DPP9: variants seen among roughly 807,000 people sequenced by gnomAD.
The protein encoded by DPP9 is dipeptidyl peptidase 9, also known as dipeptidyl peptidase IV-related protein-2.
In DPP9, 50 loss-of-function variants were observed where a neutral mutation model predicts 110.7. The observed-to-expected ratio is 0.45, with a 90% confidence interval of 0.36 to 0.57. The LOEUF (loss-of-function observed/expected upper bound fraction) is 0.57, where lower values mean the gene tolerates loss of function less well. Ranked by LOEUF, DPP9 falls within the 20% of genes least tolerant of loss-of-function variation. The pLI, the probability that DPP9 is intolerant of heterozygous loss-of-function variation, is 0.00. For synonymous variants in DPP9, 561 were observed against 514.4 expected, an observed-to-expected ratio of 1.09 and a Z score of -1.23; for missense variants, 1,022 against 1,217.9, an observed-to-expected ratio of 0.84 and a Z score of 2.39.
chr19:4,700,209 C>T lies in DPP9; in HGVS notation c.1074+7G>A. On this transcript the variant is annotated splice_region_variant and intron_variant, in intron 10 of 21. Coordinates refer to ENST00000262960, the MANE Select transcript of DPP9 (RefSeq NM_139159.5). The surrounding 1 kb of genome is among the most constrained non-coding windows in gnomAD (Gnocchi z 4.3). ...TAGATTATCTGGTATGCAGCAGGCC[C>T]CCTTACCTTGCCCTGGCTGTCAGTC... 6.3e-7 allele frequency: 1 copy of T among 1,575,822 alleles called. No individual in the cohort carries two copies. The highest frequency in any genetic ancestry group is 8.7e-7 in the Non-Finnish European group (1 of 1,154,666).
Position 4,684,408 on chromosome 19 carries a change from G to A in DPP9, c.2178+255C>T, listed in dbSNP as rs999572634. 18 of 522,954 alleles carry A rather than the reference G, an allele frequency of 3.4e-5. No homozygotes were observed. Among genetic ancestry groups the A allele is most frequent in the African/African-American group, 2.7e-4 (14 of 52,186 alleles). The allele number at this position is 522,954 out of a possible 1,614,324, so 32.4% of individuals were successfully genotyped here. A position where few individuals can be genotyped will look rare whatever the true frequency, so the allele number is the denominator to read the frequency against. On this transcript the variant is annotated intron_variant, in intron 18 of 21. Transcript: ENST00000262960. This position sits in a 1 kb window ranked among gnomAD's most constrained non-coding sequence, Gnocchi z 4.8. Reference sequence around the variant, plus strand: ...GCAGTGCAAAGGGGCCGAGATGATCGCCATCACCACCGTCGTCATCACCAG... The same window carrying A: ...GCAGTGCAAAGGGGCCGAGATGATCACCATCACCACCGTCGTCATCACCAG...
In DPP9 at chr19:4,698,442, G is replaced by T. The variant is rs990383436; in HGVS notation, c.1075-791C>A. 6.6e-6 allele frequency among the ~76,000 whole-genome samples: 1 copy of T among 151,328 alleles called. No homozygotes were observed. Among genetic ancestry groups the T allele is most frequent in the Non-Finnish European group, 1.5e-5 (1 of 67,992 alleles). ...CTAAGGACTCTGCACGTCTGAGAGT[G>T]CAAGGAGCCACTAAAACAGCCTGGC... is the stretch of plus-strand genomic sequence containing the variant. On this transcript the variant is annotated intron_variant, in intron 10 of 21. Transcript: ENST00000262960. The surrounding 1 kb of genome is among the most constrained non-coding windows in gnomAD (Gnocchi z 4.2).
chr19:4,711,772 CAAAAAAAAAAAAAAAAAA>C (rs752279327), intron 4 of DPP9, among the ~76,000 whole-genome samples: 3 of 44,336 alleles, frequency 6.8e-5, no homozygotes, highest in African/African-American at 2.6e-4. Context: ...GACTCCATCT[CAAAAAAAAAAAAAAAAAA>C]AAAAAAAAAG....
In DPP9 at chr19:4,679,857, G is replaced by A; in HGVS notation, c.2564C>T (p.Ala855Val). ...TNFLVSQLIR[A>V]GKPYQLQIYP... ...CACCTGGAGCTGGTAAGGTTTCCCT[G>A]CTCGGATCAGTTGGGAGACGAGGAA... Residue 855 changes from alanine (A) to valine (V), a missense_variant, in exon 21 of 22, where the codon GCA becomes GTA. By Grantham distance (64) the Ala-to-Val change is moderately conservative. Coordinates refer to ENST00000262960, the MANE Select transcript of DPP9 (RefSeq NM_139159.5). 6.2e-7 allele frequency: 1 copy of A among 1,612,852 alleles called. No homozygotes were observed. The highest frequency in any genetic ancestry group is 8.5e-7 in the Non-Finnish European group (1 of 1,179,504).
Position 4,689,022 on chromosome 19 carries a change from C to T in DPP9, c.1750-130G>A. 2 of 1,120,470 alleles carry T rather than the reference C, an allele frequency of 1.8e-6. No homozygotes were observed. The highest frequency in any genetic ancestry group is 2.3e-6 in the Non-Finnish European group (2 of 863,308). 69.4% of individuals were successfully genotyped at this position (1,120,470 alleles called of 1,614,324 possible). A position where few individuals can be genotyped will look rare whatever the true frequency, so the allele number is the denominator to read the frequency against. On this transcript the variant is annotated intron_variant, in intron 15 of 21. Transcript: ENST00000262960. This position sits in a 1 kb window ranked among gnomAD's most constrained non-coding sequence, Gnocchi z 7.0. Reference sequence around the variant, plus strand: ...CCTCTGCCCCTGCCTGTCATGAAACCTCAAAGCTCCACCCGCTGCTGCAAG... The same window carrying T: ...CCTCTGCCCCTGCCTGTCATGAAACTTCAAAGCTCCACCCGCTGCTGCAAG...
At chr19:4,717,219 G>A (rs1164094596) in intron 3 of DPP9, among the ~76,000 whole-genome samples, 1 of 152,204 alleles carries the variant, frequency 6.6e-6, no homozygotes, top group Admixed American at 6.5e-5. Context: ...ATAAAGACAC[G>A]AACCAAAGGA....
intron 7 of DPP9, 85 bp downstream of exon 7, chr19:4,703,801 A>C: frequency 7.0e-7 from 1 of 1,431,036 alleles, no homozygotes; most frequent in Non-Finnish European, 9.5e-7. Context: ...GTGTGCAGGA[A>C]GACCCTGGCT....
At position 4,705,861 on chromosome 19, in the gene DPP9, G is replaced by A; in HGVS notation, c.423C>T (p.Phe141=). ...LLSWKQMLDH[F]QATPHHGVYS... is the part of the protein sequence containing the mutation. ...CACGCCTAATAGCACAGCTTACCTG[G>A]AAATGATCCAGCATCTGCTTCCAGG... is the stretch of plus-strand genomic sequence containing the variant. Residue 141 remains phenylalanine, a synonymous_variant, in exon 5 of 22, where the codon TTC becomes TTT. Transcript: ENST00000262960. The A allele has an allele frequency of 6.2e-7, 1 of 1,613,844 alleles. No individual in the cohort carries two copies. The highest frequency in any genetic ancestry group is 8.5e-7 in the Non-Finnish European group (1 of 1,179,788).
chr19:4,708,907 T>A (rs2145830634), intron 4 of DPP9, among the ~76,000 whole-genome samples: 1 of 152,288 alleles, frequency 6.6e-6, no homozygotes, highest in East Asian at 1.9e-4. Context: ...CCGGCACATG[T>A]GCCCTTGAAC....
chr19:4,679,755 G>A, intron 21 of DPP9, 80 bp downstream of exon 21: 1 of 1,128,822 alleles, frequency 8.9e-7, no homozygotes, highest in South Asian at 1.3e-5. Flanking sequence ...ACAGTGGGAA[G>A]CCACCCCGCC....
intron 3 of DPP9, 132 bp downstream of exon 3, chr19:4,719,719 G>A (rs1599958766): frequency 1.9e-6 from 2 of 1,072,958 alleles, no homozygotes; most frequent in East Asian, 5.2e-5. Context: ...GAAATAACCA[G>A]AACAGTCTTG....
At chr19:4,702,287 G>T (rs1307265045) in intron 8 of DPP9, 132 bp from the exon 9 acceptor site, 8 of 1,252,720 alleles carry the variant, frequency 6.4e-6, no homozygotes, top group Non-Finnish European at 7.6e-6. Flanking sequence ...CCCCGGCTCT[G>T]CCATTCGCTA....
chr19:4,719,449 C>A, intron 3 of DPP9: 1 of 182,074 alleles, frequency 5.5e-6, no homozygotes, highest in East Asian at 1.3e-4. Flanking sequence ...CTCTTGGAGC[C>A]CAAAACCCAC....
Position 4,685,507 on chromosome 19 carries a change from C to T in DPP9, c.2031+119G>A. ...GGGCAGGCGGGGTGGGCTGGGGCAC[C>T]AGGCAGGTAGCCGGGGAGCCTCCTC... On this transcript the variant is annotated intron_variant, in intron 17 of 21. Transcript: ENST00000262960. The surrounding 1 kb of genome is among the most constrained non-coding windows in gnomAD (Gnocchi z 5.8). 4 of 1,176,276 alleles carry T rather than the reference C, an allele frequency of 3.4e-6. No individual in the cohort carries two copies. Among genetic ancestry groups the T allele is most frequent in the Non-Finnish European group, 4.8e-6 (4 of 831,820 alleles). The allele number at this position is 1,176,276 out of a possible 1,614,324, so 72.9% of individuals were successfully genotyped here.
Position 4,718,057 on chromosome 19 carries a change from G to A in DPP9, c.56+1794C>T, listed in dbSNP as rs1418908558. Among the ~76,000 whole-genome samples the A allele has an allele frequency of 1.3e-5, 2 of 152,244 alleles. No individual in the cohort carries two copies. The highest frequency in any genetic ancestry group is 2.9e-5 in the Non-Finnish European group (2 of 68,036). ...TCCTAGCATGGTCTCTGTCAAGGCTGGGTGGCAGATCTGTGATCTCCTTTT... is the reference window on the plus strand; with the variant it reads ...TCCTAGCATGGTCTCTGTCAAGGCTAGGTGGCAGATCTGTGATCTCCTTTT... On this transcript the variant is annotated intron_variant, in intron 3 of 21. Transcript: ENST00000262960. The surrounding 1 kb of genome is among the most constrained non-coding windows in gnomAD (Gnocchi z 4.3).
chr19:4,710,499 C>T lies in DPP9; in HGVS notation c.313+3582G>A, dbSNP rs562539025. On this transcript the variant is annotated intron_variant, in intron 4 of 21. Coordinates refer to ENST00000262960, the MANE Select transcript of DPP9 (RefSeq NM_139159.5). This position sits in a 1 kb window ranked among gnomAD's most constrained non-coding sequence, Gnocchi z 5.6. Reference sequence around the variant, plus strand: ...AGCCCATCTTCCCAGCAGCAGGAACCGCACGTTCCCCCGCTGCTCCTGCTA... The same window carrying T: ...AGCCCATCTTCCCAGCAGCAGGAACTGCACGTTCCCCCGCTGCTCCTGCTA... Among the ~76,000 whole-genome samples, 7 of 152,228 alleles carry T rather than the reference C, an allele frequency of 4.6e-5. No homozygotes were observed. The highest frequency in any genetic ancestry group is 1.7e-4 in the African/African-American group (7 of 41,458).
chr19:4,723,146 G>C (rs543122184), intron 1 of DPP9, among the ~76,000 whole-genome samples: 3 of 152,358 alleles, frequency 2.0e-5, no homozygotes, highest in African/African-American at 7.2e-5. Flanking sequence ...AAGTAGGGTT[G>C]AGGATCAGGA....
At position 4,687,794 on chromosome 19, in the gene DPP9, G is replaced by A. The variant is rs995725698; in HGVS notation, c.1885+963C>T. ...GGCCACCCCTGCATGGACCACCACT[G>A]TTCAAAAGGTTTTTTTTTTTTGAGA... On this transcript the variant is annotated intron_variant, in intron 16 of 21. Coordinates refer to ENST00000262960, the MANE Select transcript of DPP9 (RefSeq NM_139159.5). The surrounding 1 kb of genome is among the most constrained non-coding windows in gnomAD (Gnocchi z 4.7). Among the ~76,000 whole-genome samples, 1 of 152,000 alleles carries A rather than the reference G, an allele frequency of 6.6e-6. No homozygotes were observed. The highest frequency in any genetic ancestry group is 1.9e-4 in the East Asian group (1 of 5,186).
Position 4,700,565 on chromosome 19 carries a change from C to T in DPP9, c.1013-288G>A, listed in dbSNP as rs2092177392. On this transcript the variant is annotated intron_variant, in intron 9 of 21. Transcript: ENST00000262960. This position sits in a 1 kb window ranked among gnomAD's most constrained non-coding sequence, Gnocchi z 4.3. ...TTAAAAACACGGGCCACACCCTGTG[C>T]TGAGAGCTGGGGCTTGTAGGGGCCG... Among the ~76,000 whole-genome samples the T allele has an allele frequency of 6.6e-6, 1 of 152,206 alleles. No homozygotes were observed. Among genetic ancestry groups the T allele is most frequent in the Admixed American group, 6.5e-5 (1 of 15,280 alleles).
Sources: gnomAD v4.1 joint callset for allele counts (sites outside exome capture counted in the v4.1 genomes callset) on GRCh38, gnomAD v4.1.1 for gene constraint, Gnocchi (gnomAD v3.1) non-coding constraint, MANE v1.5 for transcripts, NCBI Gene and HGNC (gene_info 2026-07-23, HGNC 2026-07-21) for gene names.